DCAF13: variants seen among roughly 807,000 people sequenced by gnomAD.
DCAF13 encodes the protein DDB1 and CUL4 associated factor 13.
Under a neutral mutation model 59.0 loss-of-function variants are expected in DCAF13, and 38 were observed. That is an observed-to-expected ratio of 0.64 (90% confidence interval 0.50 to 0.84). The LOEUF is 0.84. Among genes scored for constraint, DCAF13 ranks in the 40% least tolerant of loss-of-function variants. The pLI is 0.00. For missense variants in DCAF13, 469 were observed against 558.4 expected (o/e 0.84, Z 1.61); for synonymous variants, 173 against 175.0 (o/e 0.99, Z 0.09).
chr8:103,418,848 A>ATATATTTATATATT (rs1554630628), intron 1 of DCAF13, among the ~76,000 whole-genome samples: 2 of 16,932 alleles, frequency 1.2e-4, no homozygotes, highest in African/African-American at 5.7e-4. Flanking sequence ...ATATATATAT[A>ATATATTTATATATT]TATATATATA....
chr8:103,415,759 AGTG>A (rs1563722915), intron 1 of DCAF13, among the ~76,000 whole-genome samples: 2 of 152,176 alleles, frequency 1.3e-5, no homozygotes, highest in African/African-American at 2.4e-5. Flanking sequence ...AGTTGTCTAT[AGTG>A]GAGAAAAATT....
At chr8:103,416,702 T>C (rs1224643491) in intron 1 of DCAF13, among the ~76,000 whole-genome samples, 6 of 152,224 alleles carry the variant, frequency 3.9e-5, no homozygotes, top group Non-Finnish European at 8.8e-5. Context: ...GTTAATAGTC[T>C]TTCCCATCAG....
At chr8:103,436,580 A>C (rs996461208) in intron 8 of DCAF13, among the ~76,000 whole-genome samples, 1 of 152,174 alleles carries the variant, frequency 6.6e-6, no homozygotes, top group African/African-American at 2.4e-5. Context: ...CTATTTATAC[A>C]TCTATTATAT....
intron 4 of DCAF13, among the ~76,000 whole-genome samples, 163 bp from the exon 5 acceptor site, chr8:103,426,934 C>T (rs551900792): frequency 6.6e-6 from 1 of 152,158 alleles, no homozygotes; most frequent in Admixed American, 6.5e-5. Flanking sequence ...TGTCTTGTCT[C>T]ATTATGGTAT....
At chr8:103,421,299 C>A in intron 3 of DCAF13, 1 of 638,722 alleles carries the variant, frequency 1.6e-6, no homozygotes, top group Non-Finnish European at 2.9e-6. Context: ...CAATTTACCA[C>A]AAAAGTGGAA....
rs1450697440 is a variant in DCAF13, at chr8:103,428,835, G to A, written c.624+1583G>A. Reference sequence around the variant, plus strand: ...AGAGCCGATCACCAATTCTAAAATCGTAATTATTAGGGATGACCTAGTGAC... The same window carrying A: ...AGAGCCGATCACCAATTCTAAAATCATAATTATTAGGGATGACCTAGTGAC... On this transcript the variant is annotated intron_variant, in intron 5 of 10. Transcript: ENST00000612750. 17 of 151,782 alleles carry A rather than the reference G, an allele frequency of 1.1e-4. No homozygotes were observed. In the South Asian group the frequency reaches 1.2e-3, roughly 11 times the overall value. The allele number at this position is 151,782 out of a possible 1,614,324, so 9.4% of individuals were successfully genotyped here.
intron 3 of DCAF13, 65 bp from the exon 4 acceptor site, chr8:103,425,991 G>C: frequency 9.1e-7 from 1 of 1,098,490 alleles, no homozygotes; most frequent in Non-Finnish European, 1.4e-6. Context: ...TTTGATATGT[G>C]TTGGCAAGTT....
intron 1 of DCAF13, among the ~76,000 whole-genome samples, chr8:103,418,824 TTATATATATATATATA>T (rs1188672878): frequency 0.011 from 438 of 41,380 alleles, 5 homozygotes; most frequent in Middle Eastern, 0.031. Flanking sequence ...CTAAGCATAA[TTATATATATATATATA>T]TATATATATA....
chr8:103,438,114 G>A (rs1816958635), intron 8 of DCAF13, among the ~76,000 whole-genome samples: 1 of 152,112 alleles, frequency 6.6e-6, no homozygotes, highest in South Asian at 2.1e-4. Flanking sequence ...CTGGTCTACT[G>A]CATGAACAGA....
chr8:103,416,891 A>T, intron 1 of DCAF13, among the ~76,000 whole-genome samples: 1 of 152,232 alleles, frequency 6.6e-6, no homozygotes, highest in East Asian at 1.9e-4. Flanking sequence ...CTTCTGTTGA[A>T]ATTATTAAAA....
At chr8:103,442,591 C>T in intron 10 of DCAF13, 1 of 378,568 alleles carries the variant, frequency 2.6e-6, no homozygotes, top group Non-Finnish European at 4.7e-6. Context: ...AGTAAAGGAC[C>T]CTATTAGGTA....
At chr8:103,420,538 A>T (rs1470132567) in intron 2 of DCAF13, 75 bp downstream of exon 2, 2 of 1,450,548 alleles carry the variant, frequency 1.4e-6, no homozygotes, top group Admixed American at 4.4e-5. Context: ...GTTTTTAGTT[A>T]CTGTAGGTTT....
intron 1 of DCAF13, among the ~76,000 whole-genome samples, chr8:103,417,248 A>T (rs1172647291): frequency 1.3e-5 from 2 of 152,034 alleles, no homozygotes; most frequent in Non-Finnish European, 2.9e-5. Flanking sequence ...TACTGCTTGA[A>T]TTTTTTTTAT....
At position 103,441,613 on chromosome 8, in the gene DCAF13, A is replaced by G. The variant is rs1817011889; in HGVS notation, c.1245A>G (p.Arg415=). The G allele has an allele frequency of 1.2e-6, 2 of 1,610,732 alleles. No individual in the cohort carries two copies. The highest frequency in any genetic ancestry group is 1.7e-6 in the Non-Finnish European group (2 of 1,179,260). Residue 415 remains arginine, a synonymous_variant, in exon 10 of 11, where the codon CGA becomes CGG. Coordinates refer to ENST00000612750, the MANE Select transcript of DCAF13 (RefSeq NM_015420.7). ...QEQRIMKEAR[R]RKEVNRIKHS... Reference sequence around the variant, plus strand: ...AGCGCATCATGAAAGAAGCTCGTCGACGAAAGTATGTTTTGAGGCATTTGA... The same window carrying G: ...AGCGCATCATGAAAGAAGCTCGTCGGCGAAAGTATGTTTTGAGGCATTTGA...
chr8:103,421,786 T>C (rs569555460), intron 3 of DCAF13, among the ~76,000 whole-genome samples: 1 of 152,388 alleles, frequency 6.6e-6, no homozygotes, highest in Non-Finnish European at 1.5e-5. Flanking sequence ...CATGTTGTAG[T>C]ACATGTCAGA....
At chr8:103,420,841 T>C (rs1470263871) in intron 2 of DCAF13, 134 bp from the exon 3 acceptor site, 2 of 636,520 alleles carry the variant, frequency 3.1e-6, no homozygotes, top group Non-Finnish European at 5.6e-6. Context: ...TCCATATGCA[T>C]TGCATTGTTT....
chr8:103,425,215 A>G (rs1014589628), intron 3 of DCAF13, among the ~76,000 whole-genome samples: 2 of 152,244 alleles, frequency 1.3e-5, no homozygotes, highest in South Asian at 4.1e-4. Flanking sequence ...TAAAACTAGC[A>G]GTTTTGTATG....
At chr8:103,425,493 G>T (rs1463192159) in intron 3 of DCAF13, among the ~76,000 whole-genome samples, 1 of 152,270 alleles carries the variant, frequency 6.6e-6, no homozygotes, top group East Asian at 1.9e-4. Context: ...AGTTTTGACT[G>T]TGTGGACCCT....
intron 7 of DCAF13, among the ~76,000 whole-genome samples, chr8:103,435,361 T>G (rs1330631336): frequency 6.6e-6 from 1 of 152,140 alleles, no homozygotes; most frequent in Non-Finnish European, 1.5e-5. Context: ...ATTTTTGTAC[T>G]CTACTTTTTT....
Sources: gnomAD v4.1 joint callset for allele counts (sites outside exome capture counted in the v4.1 genomes callset) on GRCh38, gnomAD v4.1.1 for gene constraint, MANE v1.5 for transcripts, NCBI Gene and HGNC (gene_info 2026-07-23, HGNC 2026-07-21) for gene names.